HECW1: variants seen among roughly 807,000 people sequenced by gnomAD.
The protein encoded by HECW1 is E3 ubiquitin-protein ligase HECW1.
Under a neutral mutation model 182.3 loss-of-function variants are expected in HECW1, and 61 were observed. The observed-to-expected ratio is 0.33, with a 90% confidence interval of 0.27 to 0.41. The LOEUF is 0.41. Among genes scored for constraint, HECW1 ranks in the 10% least tolerant of loss-of-function variants. The probability of loss-of-function intolerance (pLI) is 1.00; values close to 1 mark genes in which losing one functional copy is unlikely to be tolerated. For missense variants in HECW1, 1,739 were observed against 2,108.9 expected (o/e 0.82, Z 3.44); for synonymous variants, 859 against 832.6 (o/e 1.03, Z -0.55).
chr7:43,196,340 A>C (rs1466916610), intron 2 of HECW1, among the ~76,000 whole-genome samples: 1 of 152,226 alleles, frequency 6.6e-6, no homozygotes, highest in Non-Finnish European at 1.5e-5. Flanking sequence ...AAAGGTAGGC[A>C]CTGCCTCTAT....
chr7:43,493,427 AG>A (rs961106147), intron 19 of HECW1, among the ~76,000 whole-genome samples: 15 of 151,628 alleles, frequency 9.9e-5, no homozygotes, highest in South Asian at 2.1e-4. Flanking sequence ...CCATTGATGT[AG>A]GGGGGGGAAG....
intron 15 of HECW1, among the ~76,000 whole-genome samples, chr7:43,467,673 G>T (rs1366090514): frequency 6.6e-6 from 1 of 152,142 alleles, no homozygotes; most frequent in African/African-American, 2.4e-5. Flanking sequence ...ACCTAAGGAA[G>T]GGGTGGGAGC....
chr7:43,167,269 T>C (rs1202591088), intron 2 of HECW1, among the ~76,000 whole-genome samples: 1 of 152,132 alleles, frequency 6.6e-6, no homozygotes, highest in Non-Finnish European at 1.5e-5. Flanking sequence ...AGCCCTTGCC[T>C]TCATCTCCAC....
In HECW1 at chr7:43,112,755, G is replaced by A; in HGVS notation, c.-449G>A. ...GCGCGCGCCCCTCCGCCGTGACAGT[G>A]GCCGTGGCCTCCGCTCTCTCGGGGC... On this transcript the variant is annotated 5_prime_UTR_variant, in exon 1 of 30. Transcript: ENST00000395891. 4.3e-6 allele frequency: 1 copy of A among 230,872 alleles called. No homozygotes were observed. The highest frequency in any genetic ancestry group is 5.6e-5 in the Admixed American group (1 of 17,716). The allele number at this position is 230,872 out of a possible 1,614,324, so 14.3% of individuals were successfully genotyped here. A position where few individuals can be genotyped will look rare whatever the true frequency, so the allele number is the denominator to read the frequency against.
chr7:43,113,992 AC>A (rs1440354500), intron 1 of HECW1, 164 bp from the exon 2 acceptor site: 4 of 328,514 alleles, frequency 1.2e-5, no homozygotes, highest in Non-Finnish European at 2.3e-5. Flanking sequence ...GGTTCCGGGC[AC>A]AGCGCGCCTC....
At chr7:43,235,162 G>A (rs1369215668) in intron 2 of HECW1, among the ~76,000 whole-genome samples, 2 of 152,152 alleles carry the variant, frequency 1.3e-5, no homozygotes, top group African/African-American at 4.8e-5. Flanking sequence ...AAGGGAGCCC[G>A]GAGCTCTGTC....
chr7:43,242,905 C>T (rs1326383684), intron 2 of HECW1, among the ~76,000 whole-genome samples: 2 of 152,168 alleles, frequency 1.3e-5, no homozygotes, highest in Non-Finnish European at 2.9e-5. Context: ...AGAGCAGGAT[C>T]TCAGTACGTA....
intron 7 of HECW1, among the ~76,000 whole-genome samples, chr7:43,405,044 C>T (rs1424274364): frequency 6.6e-6 from 1 of 152,188 alleles, no homozygotes; most frequent in Non-Finnish European, 1.5e-5. Context: ...AATCTCATCT[C>T]TGATGTCAAC....
intron 26 of HECW1, among the ~76,000 whole-genome samples, chr7:43,548,378 C>T (rs4724218): frequency 6.6e-6 from 1 of 151,798 alleles, no homozygotes; most frequent in African/African-American, 2.4e-5. Context: ...TACGAGTGGA[C>T]CCATGCAGTC....
chr7:43,378,918 G>A (rs573902209), intron 6 of HECW1, among the ~76,000 whole-genome samples: 3 of 152,090 alleles, frequency 2.0e-5, no homozygotes, highest in Non-Finnish European at 2.9e-5. Flanking sequence ...AACCCTTTGC[G>A]CTTTGAACAG....
chr7:43,169,243 G>A (rs958279578), intron 2 of HECW1, among the ~76,000 whole-genome samples: 10 of 152,198 alleles, frequency 6.6e-5, no homozygotes, highest in African/African-American at 1.9e-4. Flanking sequence ...AGATCCGGAA[G>A]TTCAGGAAAT....
At chr7:43,450,761 C>G in intron 11 of HECW1, 67 bp from the exon 12 acceptor site, 1 of 999,318 alleles carries the variant, frequency 1.0e-6, no homozygotes, top group Non-Finnish European at 1.6e-6. Flanking sequence ...GTTTTACAGT[C>G]ATGCTTTTTT....
At chr7:43,344,588 A>C (rs758593156) in intron 5 of HECW1, among the ~76,000 whole-genome samples, 13 of 150,058 alleles carry the variant, frequency 8.7e-5, no homozygotes, top group Non-Finnish European at 1.3e-4. Context: ...CTATACCTTG[A>C]TGTCTTTCGA....
chr7:43,553,304 C>T (rs1446397060), intron 28 of HECW1, among the ~76,000 whole-genome samples: 1 of 152,116 alleles, frequency 6.6e-6, no homozygotes, highest in Non-Finnish European at 1.5e-5. Context: ...CTGGGGGCAT[C>T]GCCTCAGCCT....
At chr7:43,490,799 C>A (rs766049544) in intron 17 of HECW1, among the ~76,000 whole-genome samples, 3 of 151,926 alleles carry the variant, frequency 2.0e-5, no homozygotes, top group African/African-American at 7.3e-5. Flanking sequence ...GCTGTGTCGC[C>A]CAGGCTGGAG....
At chr7:43,412,883 TTGC>T (rs945242490) in intron 8 of HECW1, among the ~76,000 whole-genome samples, 1 of 149,056 alleles carries the variant, frequency 6.7e-6, no homozygotes, top group African/African-American at 2.5e-5. Context: ...TTCCAAGTCT[TTGC>T]TATTGTGAAT....
chr7:43,466,731 A>G (rs1372663059), intron 15 of HECW1, among the ~76,000 whole-genome samples, 163 bp downstream of exon 15: 1 of 152,228 alleles, frequency 6.6e-6, no homozygotes, highest in East Asian at 1.9e-4. Flanking sequence ...TGAGTCTCCC[A>G]AAAAGGAAAA....
rs537486920 is a variant in HECW1, at chr7:43,371,135, C to T, written c.555+10155C>T. On this transcript the variant is annotated intron_variant, in intron 6 of 29. Coordinates refer to ENST00000395891, the MANE Select transcript of HECW1 (RefSeq NM_015052.5). ...ATCTCCTGACCTTGTGATCCACCCG[C>T]CTCGGCCTCCCAAAGTGCTGGGATT... Among the ~76,000 whole-genome samples the T allele has an allele frequency of 2.6e-5, 4 of 152,268 alleles. No homozygotes were observed. The East Asian group carries it at 7.7e-4, about 29-fold the overall frequency.
intron 2 of HECW1, among the ~76,000 whole-genome samples, chr7:43,132,542 C>T (rs1297086517): frequency 5.3e-5 from 8 of 152,118 alleles, no homozygotes; most frequent in Non-Finnish European, 1.5e-5. Context: ...CTCTTTCTCT[C>T]TTTCTCTCTC....
Sources: allele counts gnomAD v4.1 joint callset (sites outside exome capture counted in the v4.1 genomes callset), GRCh38; gene constraint gnomAD v4.1.1; transcripts MANE v1.5; gene names NCBI Gene and HGNC (gene_info 2026-07-23, HGNC 2026-07-21).